Variants in SSBP3 observed in about 807,000 individuals in gnomAD.
SSBP3 encodes the protein single-stranded DNA-binding protein 3.
SSBP3 carries 5 observed loss-of-function variants against 69.6 expected under a neutral mutation model. That is an observed-to-expected ratio of 0.07 (90% confidence interval 0.04 to 0.15). The LOEUF is 0.15. Ranked by LOEUF, SSBP3 falls within the 10% of genes least tolerant of loss-of-function variation. SSBP3 has a pLI of 1.00. For synonymous variants in SSBP3, 196 were observed against 193.4 expected, an observed-to-expected ratio of 1.01 and a Z score of -0.11; for missense variants, 312 against 534.0, an observed-to-expected ratio of 0.58 and a Z score of 4.10.
chr1:54,373,042 C>T (rs776144698), intron 4 of SSBP3, among the ~76,000 whole-genome samples: 21 of 152,338 alleles, frequency 1.4e-4, no homozygotes, highest in Admixed American at 9.1e-4. Context: ...AGCAAACCAA[C>T]GGGCTGTGCA....
intron 4 of SSBP3, among the ~76,000 whole-genome samples, chr1:54,292,538 G>A (rs1645627046): frequency 6.6e-6 from 1 of 152,106 alleles, no homozygotes; most frequent in Non-Finnish European, 1.5e-5. Flanking sequence ...TGTGTTGTGA[G>A]CGAGGCCCTG....
rs958119945 is a variant in SSBP3 at position 54,317,176 on chromosome 1, A to G, written c.277-35649T>C. ...GATGGAGGACAGGAAGGAATCGCCA[A>G]TTAAGGGAATGATTCAATAAAGCAT... On this transcript the variant is annotated intron_variant, in intron 4 of 17. Coordinates refer to ENST00000610401, the Ensembl canonical transcript of SSBP3. Among the ~76,000 whole-genome samples, 8 of 152,238 alleles carry G rather than the reference A, an allele frequency of 5.3e-5. No homozygotes were observed. The South Asian group carries it at 1.2e-3, about 24-fold the overall frequency.
chr1:54,325,958 G>A (rs79814237), intron 4 of SSBP3, among the ~76,000 whole-genome samples: 3 of 86,024 alleles, frequency 3.5e-5, no homozygotes, highest in Admixed American at 1.4e-4. Context: ...GCTCCCCCCC[G>A]CCACCCCCCA....
intron 4 of SSBP3, among the ~76,000 whole-genome samples, chr1:54,311,567 G>A (rs908910136): frequency 1.3e-5 from 2 of 152,092 alleles, no homozygotes; most frequent in African/African-American, 4.8e-5. Context: ...CTACCTCATG[G>A]GGCCCATTGA....
At chr1:54,320,206 G>C (rs1646187677) in intron 4 of SSBP3, among the ~76,000 whole-genome samples, 1 of 152,234 alleles carries the variant, frequency 6.6e-6, no homozygotes, top group African/African-American at 2.4e-5. Context: ...GCCAGTTTCA[G>C]AGATGAGAAA....
intron 7 of SSBP3, among the ~76,000 whole-genome samples, chr1:54,253,216 G>A (rs577718354): frequency 6.8e-6 from 1 of 146,906 alleles, no homozygotes; most frequent in East Asian, 1.9e-4. Flanking sequence ...TTAAGACAGG[G>A]TCGCTTGCTC....
At chr1:54,405,324 G>A (rs1448914496) in intron 1 of SSBP3, 5 of 259,810 alleles carry the variant, frequency 1.9e-5, no homozygotes, top group Non-Finnish European at 3.8e-5. Context: ...CCGGGTGCTT[G>A]GCGCGCTCTG....
At chr1:54,333,510 C>T (rs889203396) in intron 4 of SSBP3, among the ~76,000 whole-genome samples, 4 of 152,090 alleles carry the variant, frequency 2.6e-5, no homozygotes, top group African/African-American at 9.7e-5. Flanking sequence ...TGGTGGCCCA[C>T]GCCTGTAAAT....
In SSBP3 at chr1:54,378,930, G is replaced by A. The variant is rs1421192115; in HGVS notation, c.276+22931C>T. Among the ~76,000 whole-genome samples, 21 of 152,288 alleles carry A rather than the reference G, an allele frequency of 1.4e-4. No homozygotes were observed. In the East Asian group the frequency reaches 2.7e-3, roughly 20 times the overall value. On this transcript the variant is annotated intron_variant, in intron 4 of 17. Coordinates refer to ENST00000610401, the Ensembl canonical transcript of SSBP3. ...AGCTCTGGGCAAGAAATGCCCCACCGAACATTTTCCGAGGTGGCTTCAGGT... is the reference window on the plus strand; with the variant it reads ...AGCTCTGGGCAAGAAATGCCCCACCAAACATTTTCCGAGGTGGCTTCAGGT...
intron 4 of SSBP3, among the ~76,000 whole-genome samples, chr1:54,401,230 G>T (rs1170363959): frequency 6.6e-6 from 1 of 152,182 alleles, no homozygotes; most frequent in African/African-American, 2.4e-5. Flanking sequence ...AACTCATCCA[G>T]GTAGAAAGTG....
intron 5 of SSBP3, among the ~76,000 whole-genome samples, chr1:54,279,782 C>G (rs527589417): frequency 6.6e-6 from 1 of 152,242 alleles, no homozygotes; most frequent in African/African-American, 2.4e-5. Context: ...ACCTCTCACA[C>G]GCTGGCCTCT....
intron 7 of SSBP3, 24 bp downstream of exon 7, chr1:54,257,103 A>G (rs200322875): frequency 1.3e-6 from 2 of 1,594,896 alleles, no homozygotes; most frequent in Non-Finnish European, 1.7e-6. Context: ...GGGAGGGGAG[A>G]GAGAACATGA....
intron 9 of SSBP3, among the ~76,000 whole-genome samples, chr1:54,246,851 A>T (rs1234671393): frequency 2.0e-5 from 3 of 152,268 alleles, no homozygotes; most frequent in Non-Finnish European, 2.9e-5. Context: ...CACATAGGGC[A>T]GGAATGCCCA....
intron 4 of SSBP3, among the ~76,000 whole-genome samples, chr1:54,334,351 CAATAAATA>C (rs35538469): frequency 1.3e-5 from 2 of 150,412 alleles, no homozygotes; most frequent in African/African-American, 5.0e-5. Context: ...GACTCCCTCT[CAATAAATA>C]AATAAATAAA....
intron 7 of SSBP3, among the ~76,000 whole-genome samples, chr1:54,256,007 C>T (rs891056564): frequency 8.6e-5 from 13 of 151,526 alleles, no homozygotes; most frequent in African/African-American, 2.7e-4. Context: ...AGGAGGCGGA[C>T]GGAGGTTGCA....
chr1:54,240,713 G>T (rs1228351459), intron 13 of SSBP3, among the ~76,000 whole-genome samples, 192 bp downstream of exon 13: 1 of 152,082 alleles, frequency 6.6e-6, no homozygotes, highest in Non-Finnish European at 1.5e-5. Context: ...GTCCTTTATG[G>T]AGCAGCATCA....
At chr1:54,275,576 C>T (rs557724864) in intron 5 of SSBP3, among the ~76,000 whole-genome samples, 48 of 152,292 alleles carry the variant, frequency 3.2e-4, no homozygotes, top group African/African-American at 1.1e-3. Context: ...GGGCTTTGAC[C>T]CTCCCTGTGA....
intron 4 of SSBP3, among the ~76,000 whole-genome samples, chr1:54,383,236 G>T (rs1647815278): frequency 6.6e-6 from 1 of 151,948 alleles, no homozygotes; most frequent in Admixed American, 6.6e-5. Context: ...AAATTAGCCG[G>T]GCGTGGTGGC....
exon 18 of SSBP3, chr1:54,227,083 C>G (rs1644296683): frequency 1.3e-6 from 2 of 1,556,534 alleles, no homozygotes; most frequent in Non-Finnish European, 1.8e-6. Flanking sequence ...TTTCTGGCAT[C>G]TTCCCGCCTG....
Sources: gnomAD v4.1 joint callset for allele counts (sites outside exome capture counted in the v4.1 genomes callset) on GRCh38, gnomAD v4.1.1 for gene constraint, MANE v1.5 for transcripts, NCBI Gene and HGNC (gene_info 2026-07-23, HGNC 2026-07-21) for gene names.